The following PPP1CA variants were observed in gnomAD, a reference collection of about 807,000 sequenced individuals.
PPP1CA encodes serine/threonine-protein phosphatase PP1-alpha catalytic subunit.
Under a neutral mutation model 38.5 loss-of-function variants are expected in PPP1CA, and 14 were observed. The ratio of observed to expected loss-of-function variants is 0.36; its 90% CI spans 0.24 to 0.57. The LOEUF (loss-of-function observed/expected upper bound fraction) is 0.57. Among genes scored for constraint, PPP1CA ranks in the 20% least tolerant of loss-of-function variants. PPP1CA has a pLI of 0.80. For synonymous variants in PPP1CA, 200 were observed against 177.3 expected (o/e 1.13, Z -1.02); for missense variants, 277 against 435.2 (o/e 0.64, Z 3.23).
chr11:67,399,113 G>A lies in PPP1CA; in HGVS notation c.574C>T (p.Pro192Ser). ...AGGCCCTGGTCAGGCACATCTGTGG[G>A]CCGCATGATCCGCCGAATCTGCTCC... ...SMEQIRRIMRPTDVPDQGLLC... is the reference protein window; with the variant it reads ...SMEQIRRIMRSTDVPDQGLLC... The change falls in exon 5 of 7, where the codon CCC (proline) becomes TCC (serine). Residue 192 changes from proline (P) to serine (S), a missense_variant. Pro to Ser is a moderately conservative substitution (Grantham distance 74, BLOSUM62 -1). Coordinates refer to ENST00000376745, the MANE Select transcript of PPP1CA (RefSeq NM_002708.4). The A allele has an allele frequency of 1.2e-6, 2 of 1,613,610 alleles. No homozygotes were observed. The highest frequency in any genetic ancestry group is 1.7e-6 in the Non-Finnish European group (2 of 1,180,038).
intron 6 of PPP1CA, 29 bp from the exon 7 acceptor site, chr11:67,398,674 T>TG (rs1365682079): frequency 1.2e-6 from 2 of 1,613,514 alleles, no homozygotes; most frequent in Non-Finnish European, 1.7e-6. Context: ...GTCAGGCTCA[T>TG]GGGGCTGAGC....
chr11:67,400,248 G>A (rs535679120), intron 3 of PPP1CA, among the ~76,000 whole-genome samples: 11 of 152,262 alleles, frequency 7.2e-5, no homozygotes, highest in Admixed American at 5.2e-4. Context: ...TTCCCGCCTC[G>A]GCCTCCTGCC....
chr11:67,398,572 A>T lies in PPP1CA; in HGVS notation c.956T>A (p.Ile319Asn). 2 of 1,613,914 alleles carry T rather than the reference A, an allele frequency of 1.2e-6. No homozygotes were observed. Among genetic ancestry groups the T allele is most frequent in the Non-Finnish European group, 1.7e-6 (2 of 1,179,960 alleles). The change falls in exon 7 of 7, where the codon ATC (isoleucine) becomes AAC (asparagine). Residue 319 changes from isoleucine to asparagine, a missense_variant. Coordinates refer to ENST00000376745, the MANE Select transcript of PPP1CA (RefSeq NM_002708.4). ...TTTGGCGGAATTGCGGGGTGGGGTGATGGGTCGGCCTCCAGGGTTCAGGCC... is the reference window on the plus strand; with the variant it reads ...TTTGGCGGAATTGCGGGGTGGGGTGTTGGGTCGGCCTCCAGGGTTCAGGCC... ...FSGLNPGGRP[I>N]TPPRNSAKAK...
Position 67,401,809 on chromosome 11 carries a change from G to C in PPP1CA, c.-27C>G, listed in dbSNP as rs772980028. ...GCGGCGCCGCCGCTCCAGCCCAGCAGCTCCTGGCCCGCTCCTGCCTCCCGC... is the reference window on the plus strand; with the variant it reads ...GCGGCGCCGCCGCTCCAGCCCAGCACCTCCTGGCCCGCTCCTGCCTCCCGC... On this transcript the variant is annotated 5_prime_UTR_variant, in exon 1 of 7. Transcript: ENST00000376745. 5.6e-6 allele frequency: 8 copies of C among 1,424,418 alleles called. No homozygotes were observed. The South Asian group carries it at 9.0e-5, about 16-fold the overall frequency. 88.2% of individuals were successfully genotyped at this position (1,424,418 alleles called of 1,614,324 possible). A position where few individuals can be genotyped will look rare whatever the true frequency, so the allele number is the denominator to read the frequency against.
intron 1 of PPP1CA, 88 bp downstream of exon 1, chr11:67,401,640 T>G: frequency 8.7e-7 from 1 of 1,147,454 alleles, no homozygotes; most frequent in Non-Finnish European, 1.1e-6. Context: ...CAGTCTAAGC[T>G]GGCCCCGGGG....
At chr11:67,399,312 C>G (rs544981242) in intron 4 of PPP1CA, 149 bp from the exon 5 acceptor site, 292 of 809,538 alleles carry the variant, frequency 3.6e-4, no homozygotes, top group Non-Finnish European at 5.5e-4. Context: ...TCCCCTTCCC[C>G]TCAGCTTTTT....
chr11:67,399,236 CCA>C, intron 4 of PPP1CA, 73 bp from the exon 5 acceptor site: 2 of 1,301,960 alleles, frequency 1.5e-6, no homozygotes, highest in South Asian at 1.3e-5. Flanking sequence ...CCAATGAACC[CCA>C]CCTTTCCCAC....
At chr11:67,398,892 G>A (rs1410173416) in intron 5 of PPP1CA, 36 bp from the exon 6 acceptor site, 2 of 1,611,780 alleles carry the variant, frequency 1.2e-6, no homozygotes, top group East Asian at 4.5e-5. Flanking sequence ...CCCGAGCGCA[G>A]GCACGGCCCT....
In PPP1CA at chr11:67,398,664, G is replaced by A. The variant is rs376321470; in HGVS notation, c.883-19C>T. On this transcript the variant is annotated intron_variant, in intron 6 of 6. Coordinates refer to ENST00000376745, the MANE Select transcript of PPP1CA (RefSeq NM_002708.4). ...TGAGGATCTAAAAGAGACAGTGTTG[G>A]TCAGGCTCATGGGGCTGAGCCACAG... 3.7e-6 allele frequency: 6 copies of A among 1,613,844 alleles called. No individual in the cohort carries two copies. The Admixed American group carries it at 1.0e-4, about 27-fold the overall frequency.
rs1474432215 is a variant in PPP1CA, at chr11:67,398,541, C to CTTGGCT, written c.981_986dup (p.Ala328_Lys329dup). 1 of 1,613,870 alleles carries CTTGGCT rather than the reference C, an allele frequency of 6.2e-7. No homozygotes were observed. The highest frequency in any genetic ancestry group is 8.5e-7 in the Non-Finnish European group (1 of 1,179,870). On this transcript the variant is annotated inframe_insertion, in exon 7 of 7. Coordinates refer to ENST00000376745, the MANE Select transcript of PPP1CA (RefSeq NM_002708.4). ...ACAGGGTGGTGTGCGGGGGCTATTT[C>CTTGGCT]TTGGCTTTGGCGGAATTGCGGGGTG...
intron 4 of PPP1CA, among the ~76,000 whole-genome samples, 190 bp from the exon 5 acceptor site, chr11:67,399,353 TG>T (rs1862828861): frequency 6.6e-6 from 1 of 152,156 alleles, no homozygotes; most frequent in Non-Finnish European, 1.5e-5. Context: ...AAGGCATCCC[TG>T]CCCTCAGGAG....
rs1186521556 is a variant in PPP1CA at position 67,400,781 on chromosome 11, G to A, written c.326C>T (p.Ala109Val). The change falls in exon 3 of 7, where the codon GCC becomes GTC. Residue 109 changes from alanine (A) to valine (V), a missense_variant. Around this residue, in one of 3 missense-constraint regions of PPP1CA, gnomAD observed 180 missense variants for 356.7 expected, o/e 0.50. Coordinates refer to ENST00000376745, the MANE Select transcript of PPP1CA (RefSeq NM_002708.4). ...GTTCTCGGGGTACTTGATCTTATAG[G>A]CCAGCAGCAGGCAGATGGTCTCCAA... ...QSLETICLLLAYKIKYPENFF... is the reference protein window; with the variant it reads ...QSLETICLLLVYKIKYPENFF... The A allele has an allele frequency of 1.2e-6, 2 of 1,614,010 alleles. No individual in the cohort carries two copies. Among genetic ancestry groups the A allele is most frequent in the Non-Finnish European group, 1.7e-6 (2 of 1,180,036 alleles).
rs370135174 is a variant in PPP1CA at position 67,400,674 on chromosome 11, G to A, written c.418+15C>T. ...GTTCAGGACCCGGGCAGCCCCAGAC[G>A]CTCAGACCACTCACACTCATCGTAG... On this transcript the variant is annotated intron_variant, in intron 3 of 6. Transcript: ENST00000376745. The A allele has an allele frequency of 3.7e-6, 6 of 1,612,266 alleles. No homozygotes were observed. The East Asian group carries it at 6.7e-5, about 18-fold the overall frequency.
At chr11:67,401,285 C>T (rs1208856319) in intron 1 of PPP1CA, 86 bp from the exon 2 acceptor site, 12 of 1,586,446 alleles carry the variant, frequency 7.6e-6, no homozygotes, top group Non-Finnish European at 1.0e-5. Flanking sequence ...CCTCCGGGGG[C>T]GCCTAGGCCT....
chr11:67,400,746 G>A lies in PPP1CA; in HGVS notation c.361C>T (p.Leu121Phe). ...CTGGCACACTCGTGGTTCCCACGGAGCAGGAAGAAGTTCTCGGGGTACTTG... is the reference window on the plus strand; with the variant it reads ...CTGGCACACTCGTGGTTCCCACGGAACAGGAAGAAGTTCTCGGGGTACTTG... ...KIKYPENFFL[L>F]RGNHECASIN... is the part of the protein sequence containing the mutation. Residue 121 changes from leucine (L) to phenylalanine (F), a missense_variant, in exon 3 of 7, where the codon CTC becomes TTC. Leu to Phe is a conservative substitution (Grantham distance 22). This residue lies in a region of PPP1CA where 180 missense variants were observed against 356.7 expected (regional missense o/e 0.50). Transcript: ENST00000376745. The A allele has an allele frequency of 6.2e-7, 1 of 1,614,098 alleles. No homozygotes were observed. The highest frequency in any genetic ancestry group is 8.5e-7 in the Non-Finnish European group (1 of 1,180,044).
chr11:67,400,355 C>T (rs1034718866), intron 3 of PPP1CA, among the ~76,000 whole-genome samples: 13 of 152,212 alleles, frequency 8.5e-5, no homozygotes, highest in South Asian at 2.1e-4. Context: ...ACCCATGAGC[C>T]GGGCCAAGTC....
chr11:67,398,897 G>A (rs767054636), intron 5 of PPP1CA, 41 bp from the exon 6 acceptor site: 5 of 1,611,698 alleles, frequency 3.1e-6, no homozygotes, highest in Middle Eastern at 1.7e-4. Context: ...GCGCAGGCAC[G>A]GCCCTCCCCT....
Position 67,400,927 on chromosome 11 carries a change from C to A in PPP1CA, c.188-8G>T, listed in dbSNP as rs1862876032. On this transcript the variant is annotated splice_polypyrimidine_tract_variant and splice_region_variant and intron_variant, in intron 2 of 6. Transcript: ENST00000376745. ...ACTGGCCGTGTATGTCACCTGTGAC[C>A]CAGGGAACCGGGTAAGCTAGATGCA... 2 of 1,613,564 alleles carry A rather than the reference C, an allele frequency of 1.2e-6. No individual in the cohort carries two copies. Among genetic ancestry groups the A allele is most frequent in the African/African-American group, 2.7e-5 (2 of 74,906 alleles).
intron 1 of PPP1CA, 166 bp from the exon 2 acceptor site, chr11:67,401,365 CA>C: frequency 1.7e-6 from 2 of 1,196,880 alleles, no homozygotes; most frequent in South Asian, 3.0e-5. Flanking sequence ...TCAAGCCTCC[CA>C]GGGGAAGCCC....
Sources: allele counts gnomAD v4.1 joint callset (sites outside exome capture counted in the v4.1 genomes callset), GRCh38; gene constraint gnomAD v4.1.1; regional missense constraint gnomAD v4.1.1; transcripts MANE v1.5; gene names NCBI Gene and HGNC (gene_info 2026-07-23, HGNC 2026-07-21).